The following DPYD variants were observed in gnomAD, a reference collection of about 807,000 sequenced individuals.
The protein encoded by DPYD is dihydropyrimidine dehydrogenase [NADP(+)].
Under a neutral mutation model 116.2 loss-of-function variants are expected in DPYD, and 109 were observed. The observed-to-expected ratio is 0.94, with a 90% CI of 0.80 to 1.10. DPYD has a LOEUF of 1.10. DPYD is among the 50% of genes least tolerant of loss of function. The pLI is 0.00. For synonymous variants in DPYD, 440 were observed against 432.0 expected, an observed-to-expected ratio of 1.02 and a Z score of -0.23; for missense variants, 1,302 against 1,254.5, an observed-to-expected ratio of 1.04 and a Z score of -0.57.
intron 20 of DPYD, among the ~76,000 whole-genome samples, chr1:97,136,054 T>C (rs1653769273): frequency 6.6e-6 from 1 of 152,166 alleles, no homozygotes; most frequent in Admixed American, 6.5e-5. Flanking sequence ...TTCCCAGAAG[T>C]AGCGAGCTGA....
rs546928988 is a variant in DPYD at position 97,487,401 on chromosome 1, C to T, written c.1740+28325G>A. 6.2e-4 allele frequency among the ~76,000 whole-genome samples: 94 copies of T among 152,270 alleles called. 1 individual carries two copies. The highest frequency in any genetic ancestry group is 1.8e-3 in the African/African-American group (75 of 41,550). On this transcript the variant is annotated intron_variant, in intron 13 of 22. Transcript: ENST00000370192. Reference sequence around the variant, plus strand: ...ATTAAAATGACAATGAGGCCAGGCGCGGTGGCTCACATCTGTAATCCCAGC... The same window carrying T: ...ATTAAAATGACAATGAGGCCAGGCGTGGTGGCTCACATCTGTAATCCCAGC...
intron 1 of DPYD, among the ~76,000 whole-genome samples, chr1:97,889,151 C>CT (rs983461914): frequency 1.1e-4 from 16 of 151,958 alleles, no homozygotes; most frequent in African/African-American, 3.1e-4. Flanking sequence ...GAGTGAAACT[C>CT]TGTCTCAAAA....
At chr1:97,707,626 AG>A (rs1218083615) in intron 5 of DPYD, among the ~76,000 whole-genome samples, 10 of 152,030 alleles carry the variant, frequency 6.6e-5, no homozygotes, top group African/African-American at 2.4e-4. Context: ...TCCAGAACCA[AG>A]AGAAATAATT....
At chr1:97,249,130 T>C (rs778761188) in intron 18 of DPYD, among the ~76,000 whole-genome samples, 7 of 152,224 alleles carry the variant, frequency 4.6e-5, no homozygotes, top group Non-Finnish European at 8.8e-5. Context: ...ACAAAGGATG[T>C]AGATTAGCAA....
chr1:97,353,627 G>GTTTTT (rs35564684), intron 16 of DPYD, among the ~76,000 whole-genome samples: 1 of 133,272 alleles, frequency 7.5e-6, no homozygotes, highest in Non-Finnish European at 1.6e-5. Context: ...ACTGCATTCT[G>GTTTTT]TTTTTTTTTT....
chr1:97,907,559 G>C (rs1673700906), intron 1 of DPYD, among the ~76,000 whole-genome samples: 1 of 152,104 alleles, frequency 6.6e-6, no homozygotes, highest in East Asian at 1.9e-4. Flanking sequence ...TCATATTTAG[G>C]AATAGTCAAC....
At chr1:97,635,293 GGCTGAACCTGTTT>G (rs1480774646) in intron 8 of DPYD, among the ~76,000 whole-genome samples, 1 of 152,098 alleles carries the variant, frequency 6.6e-6, no homozygotes, top group African/African-American at 2.4e-5. Context: ...ATTCCCAAAA[GGCTGAACCTGTTT>G]CCAGGGCCTT....
intron 19 of DPYD, among the ~76,000 whole-genome samples, chr1:97,197,796 T>C (rs928678612): frequency 7.9e-5 from 12 of 152,142 alleles, no homozygotes; most frequent in Admixed American, 2.6e-4. Flanking sequence ...ATACTGAGAA[T>C]GTGAACTGAA....
In DPYD at chr1:97,085,370, C is replaced by T. The variant is rs189306330; in HGVS notation, c.2767-2900G>A. ...CCACATTCTGTGTACATTAAATATG[C>T]CTTTTCCTCTAAATTGGAGATTTGC... On this transcript the variant is annotated intron_variant, in intron 21 of 22. Coordinates refer to ENST00000370192, the MANE Select transcript of DPYD (RefSeq NM_000110.4). 1.9e-4 allele frequency among the ~76,000 whole-genome samples: 29 copies of T among 152,256 alleles called. 1 individual carries two copies. The highest frequency in any genetic ancestry group is 3.9e-4 in the Admixed American group (6 of 15,292).
intron 14 of DPYD, among the ~76,000 whole-genome samples, chr1:97,428,376 A>G (rs1377639545): frequency 6.6e-6 from 1 of 152,160 alleles, no homozygotes; most frequent in African/African-American, 2.4e-5. Context: ...ATTTTTGGAA[A>G]GAAAGGCAGT....
chr1:97,731,380 T>C (rs1663601433), intron 4 of DPYD, among the ~76,000 whole-genome samples: 1 of 152,068 alleles, frequency 6.6e-6, no homozygotes, highest in African/African-American at 2.4e-5. Flanking sequence ...TTCTAATAAT[T>C]TACTTTAAAA....
chr1:97,693,572 T>C (rs977684887), intron 6 of DPYD, among the ~76,000 whole-genome samples: 1 of 152,166 alleles, frequency 6.6e-6, no homozygotes, highest in Admixed American at 6.5e-5. Flanking sequence ...AACTATGGAC[T>C]GTATGTGGAC....
At chr1:97,257,452 T>TATATATACAGAGAGAGAG (rs375490078) in intron 18 of DPYD, among the ~76,000 whole-genome samples, 1 of 126,474 alleles carries the variant, frequency 7.9e-6, no homozygotes, top group South Asian at 2.7e-4. Flanking sequence ...TATATATATA[T>TATATATACAGAGAGAGAG]AGAGAGAGAG....
intron 19 of DPYD, among the ~76,000 whole-genome samples, chr1:97,194,979 G>T (rs1303717196): frequency 6.6e-6 from 1 of 152,146 alleles, no homozygotes; most frequent in Non-Finnish European, 1.5e-5. Flanking sequence ...GTTAAAGCTT[G>T]AAGAATGTGG....
intron 20 of DPYD, among the ~76,000 whole-genome samples, chr1:97,147,785 C>T (rs1169053645): frequency 6.6e-6 from 1 of 152,180 alleles, no homozygotes. Context: ...TTCTGTGCAT[C>T]ATGTCAGGCT....
intron 20 of DPYD, among the ~76,000 whole-genome samples, chr1:97,178,320 T>G (rs1373912378): frequency 6.6e-6 from 1 of 152,072 alleles, no homozygotes; most frequent in Non-Finnish European, 1.5e-5. Context: ...CAGACTGCTA[T>G]AAAGACATAA....
chr1:97,426,806 G>C (rs1557704108), intron 14 of DPYD, among the ~76,000 whole-genome samples: 1 of 152,086 alleles, frequency 6.6e-6, no homozygotes. Context: ...GTTTCAAAGA[G>C]CAGAGTCAAA....
intron 13 of DPYD, among the ~76,000 whole-genome samples, chr1:97,486,004 T>C (rs1425113369): frequency 2.0e-5 from 3 of 152,196 alleles, no homozygotes; most frequent in Non-Finnish European, 4.4e-5. Context: ...GTATGAAGTA[T>C]GATAAAACTA....
At chr1:97,799,612 T>G (rs998874965) in intron 3 of DPYD, among the ~76,000 whole-genome samples, 1 of 151,990 alleles carries the variant, frequency 6.6e-6, no homozygotes, top group Admixed American at 6.6e-5. Context: ...TTCTTGAGAC[T>G]GTTACCTCAA....
Sources: gnomAD v4.1 joint callset for allele counts (sites outside exome capture counted in the v4.1 genomes callset) on GRCh38, gnomAD v4.1.1 for gene constraint, MANE v1.5 for transcripts, NCBI Gene and HGNC (gene_info 2026-07-23, HGNC 2026-07-21) for gene names.